ECPAS: variants seen among roughly 807,000 people sequenced by gnomAD.
ECPAS encodes the protein proteasome adapter and scaffold protein ECM29.
Under a neutral mutation model 255.1 loss-of-function variants are expected in ECPAS, and 70 were observed. The ratio of observed to expected loss-of-function variants is 0.27; its 90% CI spans 0.23 to 0.33. The LOEUF (loss-of-function observed/expected upper bound fraction) is 0.33. Ranked by LOEUF, ECPAS falls within the 10% of genes least tolerant of loss-of-function variation. ECPAS has a pLI of 1.00. For synonymous variants in ECPAS, 784 were observed against 775.0 expected (o/e 1.01, Z -0.19); for missense variants, 1,817 against 2,206.4 (o/e 0.82, Z 3.54).
At chr9:111,451,877 A>G (rs2098260714) in intron 2 of ECPAS, among the ~76,000 whole-genome samples, 1 of 152,240 alleles carries the variant, frequency 6.6e-6, no homozygotes, top group Admixed American at 6.5e-5. Context: ...TAGTTAGTAG[A>G]GCAAGGCAGC....
intron 26 of ECPAS, 134 bp downstream of exon 26, chr9:111,394,026 A>T: frequency 1.1e-6 from 1 of 884,800 alleles, no homozygotes; most frequent in Non-Finnish European, 1.7e-6. Context: ...TCAGGCCACC[A>T]TCCTTCATTC....
At chr9:111,374,149 T>G in intron 38 of ECPAS, 111 bp from the exon 39 acceptor site, 1 of 765,766 alleles carries the variant, frequency 1.3e-6, no homozygotes, top group Non-Finnish European at 2.3e-6. Context: ...TGAAGCCTAA[T>G]ACCCCCTCCA....
intron 2 of ECPAS, among the ~76,000 whole-genome samples, chr9:111,455,301 G>A (rs910681865): frequency 5.3e-5 from 8 of 152,178 alleles, no homozygotes; most frequent in African/African-American, 1.7e-4. Flanking sequence ...TGGCGAACAC[G>A]GTGAAACCCC....
At chr9:111,400,827 A>G (rs571037672) in intron 24 of ECPAS, among the ~76,000 whole-genome samples, 2 of 152,344 alleles carry the variant, frequency 1.3e-5, no homozygotes, top group Non-Finnish European at 2.9e-5. Flanking sequence ...GGAAACAGAG[A>G]AAGAAACAGG....
At chr9:111,408,766 GTCTA>G in intron 23 of ECPAS, 94 bp from the exon 24 acceptor site, 2 of 685,212 alleles carry the variant, frequency 2.9e-6, no homozygotes, top group South Asian at 2.6e-5. Context: ...GGGAAGCGCA[GTCTA>G]TCTAACACAT....
intron 2 of ECPAS, among the ~76,000 whole-genome samples, chr9:111,465,329 C>G (rs868622081): frequency 7.2e-5 from 11 of 152,040 alleles, no homozygotes; most frequent in African/African-American, 2.7e-4. Context: ...CACCTGAGGT[C>G]AGGAGTTTGA....
chr9:111,375,346 C>A, intron 37 of ECPAS, 144 bp from the exon 38 acceptor site: 1 of 653,288 alleles, frequency 1.5e-6, no homozygotes, highest in Non-Finnish European at 2.8e-6. Flanking sequence ...GCTCTGATTT[C>A]AATATTAAAA....
intron 17 of ECPAS, 26 bp downstream of exon 17, chr9:111,417,856 CT>C (rs1331410387): frequency 2.6e-6 from 4 of 1,529,838 alleles, no homozygotes; most frequent in Non-Finnish European, 3.5e-6. Context: ...ATGATTTAGA[CT>C]AATTACCTTA....
At position 111,385,999 on chromosome 9, in the gene ECPAS, G is replaced by A. The variant is rs575703011; in HGVS notation, c.3527+378C>T. Among the ~76,000 whole-genome samples the A allele has an allele frequency of 1.4e-4, 21 of 152,222 alleles. No individual in the cohort carries two copies. In the Middle Eastern group the frequency reaches 0.01, roughly 74 times the overall value. On this transcript the variant is annotated intron_variant, in intron 32 of 49. Coordinates refer to ENST00000684092, the MANE Select transcript of ECPAS (RefSeq NM_001364929.1). The stretch of plus-strand genomic sequence containing the variant: ...AGACAGAGTCTCATCTCATTCTGTC[G>A]CCCAGGCTGGAGTTCAATGGCACAA...
At chr9:111,440,657 T>C (rs2098244559) in intron 5 of ECPAS, 136 bp from the exon 6 acceptor site, 2 of 631,528 alleles carry the variant, frequency 3.2e-6, no homozygotes, top group East Asian at 2.8e-5. Context: ...ACACTACTAA[T>C]TTACAAAGTC....
intron 36 of ECPAS, 90 bp from the exon 37 acceptor site, chr9:111,376,631 T>C (rs2098133630): frequency 3.3e-6 from 3 of 911,556 alleles, no homozygotes; most frequent in South Asian, 2.9e-5. Flanking sequence ...ACTTCCAAGC[T>C]AAAGAACTTT....
At chr9:111,374,385 T>A (rs1358398203) in intron 38 of ECPAS, among the ~76,000 whole-genome samples, 1 of 152,154 alleles carries the variant, frequency 6.6e-6, no homozygotes, top group African/African-American at 2.4e-5. Context: ...CTCATCACAG[T>A]GCTTTACTAT....
At chr9:111,467,663 A>G (rs2098281221) in intron 2 of ECPAS, among the ~76,000 whole-genome samples, 1 of 152,226 alleles carries the variant, frequency 6.6e-6, no homozygotes, top group Admixed American at 6.5e-5. Context: ...ATATTTTTTA[A>G]AAGATCTATC....
chr9:111,369,180 T>C lies in ECPAS; in HGVS notation c.4975-7A>G, dbSNP rs745319964. 8 of 1,510,348 alleles carry C rather than the reference T, an allele frequency of 5.3e-6. No homozygotes were observed. The highest frequency in any genetic ancestry group is 7.0e-6 in the Non-Finnish European group (8 of 1,137,082). 93.6% of individuals were successfully genotyped at this position (1,510,348 alleles called of 1,614,324 possible). Reference sequence around the variant, plus strand: ...CACTGCTTTCAAGTGAGTTCTAGGATATATCAAAGAAAAGAAAATGTAATA... The same window carrying C: ...CACTGCTTTCAAGTGAGTTCTAGGACATATCAAAGAAAAGAAAATGTAATA... On this transcript the variant is annotated splice_polypyrimidine_tract_variant and splice_region_variant and intron_variant, in intron 45 of 49. Coordinates refer to ENST00000684092, the MANE Select transcript of ECPAS (RefSeq NM_001364929.1).
chr9:111,425,364 G>A (rs2098219987), intron 12 of ECPAS, 54 bp downstream of exon 12: 1 of 1,162,220 alleles, frequency 8.6e-7, no homozygotes. Flanking sequence ...AAATATTATA[G>A]AAAATACTTT....
chr9:111,440,534 T>TG lies in ECPAS; in HGVS notation c.390-14_390-13insC. 1 of 1,555,670 alleles carries TG rather than the reference T, an allele frequency of 6.4e-7. No homozygotes were observed. ...AAGATGCATTAAGCTGAAAAAACAA[T>TG]TACATTTATTGCAACTACTTAAAAA... is the stretch of plus-strand genomic sequence containing the variant. On this transcript the variant is annotated splice_polypyrimidine_tract_variant and intron_variant, in intron 5 of 49. Coordinates refer to ENST00000684092, the MANE Select transcript of ECPAS (RefSeq NM_001364929.1).
intron 2 of ECPAS, among the ~76,000 whole-genome samples, chr9:111,455,768 G>A (rs1019379624): frequency 6.6e-6 from 1 of 152,172 alleles, no homozygotes; most frequent in African/African-American, 2.4e-5. Flanking sequence ...CCATTTCAGA[G>A]GTGCTGTCAC....
chr9:111,422,025 G>A lies in ECPAS; in HGVS notation c.1351C>T (p.Leu451Phe). 4 of 1,613,718 alleles carry A rather than the reference G, an allele frequency of 2.5e-6. No individual in the cohort carries two copies. The highest frequency in any genetic ancestry group is 2.5e-6 in the Non-Finnish European group (3 of 1,179,778). ...ATAGATAAAGCTTCTTGAATAGCAA[G>A]TCGAGTCTCAGGCTCTTCCTATAAA... The part of the protein sequence containing the change: ...ALCKEEPETR[L>F]AIQEALSMMV... Residue 451 changes from leucine to phenylalanine, a missense_variant, in exon 15 of 50, where the codon CTT (leucine) becomes TTT (phenylalanine). Leu to Phe is a conservative substitution (Grantham distance 22, BLOSUM62 0). Coordinates refer to ENST00000684092, the MANE Select transcript of ECPAS (RefSeq NM_001364929.1).
intron 10 of ECPAS, among the ~76,000 whole-genome samples, chr9:111,427,126 T>C (rs943319738): frequency 6.9e-6 from 1 of 145,528 alleles, no homozygotes; most frequent in Admixed American, 6.9e-5. Flanking sequence ...GCCACTGCAC[T>C]CCAGCCTGAG....
Sources: gnomAD v4.1 joint callset for allele counts (sites outside exome capture counted in the v4.1 genomes callset) on GRCh38, gnomAD v4.1.1 for gene constraint, MANE v1.5 for transcripts, NCBI Gene and HGNC (gene_info 2026-07-23, HGNC 2026-07-21) for gene names.